C14orf132: variants seen among roughly 807,000 people sequenced by gnomAD.
C14orf132 encodes the protein uncharacterized protein C14orf132.
C14orf132 carries 6 observed loss-of-function variants against 5.8 expected under a neutral mutation model. The observed-to-expected ratio is 1.03, with a 90% CI of 0.57 to 2.04. The LOEUF is 2.04. C14orf132 is among the 30% of genes most tolerant of loss of function. The pLI, the probability that C14orf132 is intolerant of heterozygous loss-of-function variation, is 0.00. For synonymous variants in C14orf132, 51 were observed against 49.8 expected (o/e 1.02, Z -0.10); for missense variants, 125 against 115.8 (o/e 1.08, Z -0.37).
intron 1 of C14orf132, among the ~76,000 whole-genome samples, chr14:96,044,026 G>A (rs1014161722): frequency 2.6e-5 from 4 of 152,188 alleles, no homozygotes; most frequent in African/African-American, 4.8e-5. Flanking sequence ...GGCCAGGAGC[G>A]GAGCCACATC....
Position 96,090,463 on chromosome 14 carries a change from T to G in C14orf132, c.*3728T>G. On this transcript the variant is annotated 3_prime_UTR_variant, in exon 2 of 2. Coordinates refer to ENST00000555004, the MANE Select transcript of C14orf132 (RefSeq NM_001252507.3). ...TTGTGAGGTTGTGAGTGGCCACCAC[T>G]GAAGGTCTTTGAGAAGAGGCCAGAC... is the stretch of plus-strand genomic sequence containing the variant. 2.8e-6 allele frequency: 1 copy of G among 355,130 alleles called. No homozygotes were observed. Among genetic ancestry groups the G allele is most frequent in the South Asian group, 2.2e-5 (1 of 45,750 alleles). 22.0% of individuals were successfully genotyped at this position (355,130 alleles called of 1,614,324 possible). A position where few individuals can be genotyped will look rare whatever the true frequency, so the allele number is the denominator to read the frequency against.
rs1411249937 is a variant in C14orf132, at chr14:96,087,235, T to C, written c.*500T>C. ...TTGGCCATCTAGTAGGGCCATTGGA[T>C]GTTCCTAGTTTGACTTTGAAATGGC... On this transcript the variant is annotated 3_prime_UTR_variant, in exon 2 of 2. Transcript: ENST00000555004. The C allele has an allele frequency of 3.9e-5, 6 of 155,452 alleles. No homozygotes were observed. Among genetic ancestry groups the C allele is most frequent in the Admixed American group, 3.8e-4 (6 of 15,982 alleles). The allele number at this position is 155,452 out of a possible 1,614,324, so 9.6% of individuals were successfully genotyped here. A position where few individuals can be genotyped will look rare whatever the true frequency, so the allele number is the denominator to read the frequency against.
At chr14:96,071,841 G>T (rs372517044) in intron 1 of C14orf132, among the ~76,000 whole-genome samples, 1 of 152,248 alleles carries the variant, frequency 6.6e-6, no homozygotes, top group Non-Finnish European at 1.5e-5. Flanking sequence ...GGTGGACATC[G>T]CCTTGTGCCT....
intron 1 of C14orf132, among the ~76,000 whole-genome samples, chr14:96,077,767 G>C (rs1427583473): frequency 1.3e-5 from 2 of 152,226 alleles, no homozygotes; most frequent in African/African-American, 4.8e-5. Context: ...AAAATTCTCT[G>C]TCACCTTCTA....
intron 1 of C14orf132, among the ~76,000 whole-genome samples, chr14:96,070,737 G>A (rs144373670): frequency 0.013 from 1,909 of 152,154 alleles, 28 homozygotes; most frequent in Middle Eastern, 0.027. Flanking sequence ...TTAAAGGCAC[G>A]GATAGAAATT....
intron 1 of C14orf132, among the ~76,000 whole-genome samples, chr14:96,056,414 C>A (rs1887185774): frequency 6.6e-6 from 1 of 152,190 alleles, no homozygotes; most frequent in Non-Finnish European, 1.5e-5. Flanking sequence ...TGGTGAGGAA[C>A]CTCCTCCTTC....
At chr14:96,047,766 G>T (rs947998199) in intron 1 of C14orf132, among the ~76,000 whole-genome samples, 3 of 152,142 alleles carry the variant, frequency 2.0e-5, no homozygotes, top group Non-Finnish European at 4.4e-5. Flanking sequence ...CAGAAAAATC[G>T]AGAGGAGGGC....
At chr14:96,076,530 A>T (rs1887871834) in intron 1 of C14orf132, among the ~76,000 whole-genome samples, 1 of 151,994 alleles carries the variant, frequency 6.6e-6, no homozygotes, top group African/African-American at 2.4e-5. Context: ...GGTGTCCAAC[A>T]TTTTTGCTTC....
chr14:96,044,036 C>T (rs962521754), intron 1 of C14orf132, among the ~76,000 whole-genome samples: 1 of 152,198 alleles, frequency 6.6e-6, no homozygotes, highest in African/African-American at 2.4e-5. Context: ...GGAGCCACAT[C>T]CACTGATGCA....
intron 1 of C14orf132, among the ~76,000 whole-genome samples, chr14:96,062,823 T>C (rs1887402857): frequency 6.6e-6 from 1 of 152,152 alleles, no homozygotes; most frequent in South Asian, 2.1e-4. Flanking sequence ...TGCCCTTACA[T>C]ACTCTCAGGA....
In C14orf132 at chr14:96,063,605, A is replaced by G. The variant is rs571994638; in HGVS notation, c.28-22906A>G. Among the ~76,000 whole-genome samples, 3 of 152,264 alleles carry G rather than the reference A, an allele frequency of 2.0e-5. No homozygotes were observed. In the East Asian group the frequency reaches 5.8e-4, roughly 29 times the overall value. On this transcript the variant is annotated intron_variant, in intron 1 of 1. Coordinates refer to ENST00000555004, the MANE Select transcript of C14orf132 (RefSeq NM_001252507.3). ...ATTGCAGGGGTGAGCCACCACACCC[A>G]GCCATGTGGCATCCTTTTGAGGAAC...
chr14:96,063,408 A>C (rs1329298015), intron 1 of C14orf132, among the ~76,000 whole-genome samples: 2 of 152,084 alleles, frequency 1.3e-5, no homozygotes, highest in Admixed American at 1.3e-4. Flanking sequence ...TCCTGGTTTC[A>C]AGTGATTCTC....
rs1034036236 is a variant in C14orf132 at position 96,039,387 on chromosome 14, C to T, written c.-114C>T. On this transcript the variant is annotated 5_prime_UTR_variant, in exon 1 of 2. Transcript: ENST00000555004. The surrounding 1 kb of genome is among the most constrained non-coding windows in gnomAD (Gnocchi z 5.3). ...AGAAGCCCAGAGACAGCCGAGTGCG[C>T]CGTGCGGTCTCCGGACGCTCGCTGC... 6 of 1,081,662 alleles carry T rather than the reference C, an allele frequency of 5.5e-6. No individual in the cohort carries two copies. The African/African-American group carries it at 8.2e-5, about 15-fold the overall frequency. 67.0% of individuals were successfully genotyped at this position (1,081,662 alleles called of 1,614,324 possible).
intron 1 of C14orf132, among the ~76,000 whole-genome samples, chr14:96,081,937 A>G (rs1888043073): frequency 6.6e-6 from 1 of 151,890 alleles, no homozygotes; most frequent in South Asian, 2.1e-4. Flanking sequence ...TCTTTTTTTA[A>G]TCTTGATGTG....
intron 1 of C14orf132, among the ~76,000 whole-genome samples, chr14:96,070,886 G>A (rs1288487373): frequency 1.3e-5 from 2 of 152,042 alleles, no homozygotes; most frequent in Non-Finnish European, 2.9e-5. Flanking sequence ...TCTCTGAAAG[G>A]CAGCTAAACC....
At chr14:96,080,757 C>T (rs1009039975) in intron 1 of C14orf132, among the ~76,000 whole-genome samples, 2 of 152,140 alleles carry the variant, frequency 1.3e-5, no homozygotes, top group African/African-American at 2.4e-5. Context: ...CACAATGGCC[C>T]GGACCACCTG....
chr14:96,045,585 C>G (rs967231367), intron 1 of C14orf132, among the ~76,000 whole-genome samples: 1 of 152,112 alleles, frequency 6.6e-6, no homozygotes, highest in East Asian at 1.9e-4. Context: ...GAGCTCTAGC[C>G]CCTTGCTCAT....
At position 96,092,253 on chromosome 14, in the gene C14orf132, T is replaced by C. The variant is rs1888431290; in HGVS notation, c.*5518T>C. On this transcript the variant is annotated 3_prime_UTR_variant, in exon 2 of 2. Coordinates refer to ENST00000555004, the MANE Select transcript of C14orf132 (RefSeq NM_001252507.3). The stretch of plus-strand genomic sequence containing the variant: ...CCGGGGGATTCTGGATGCTGGTCTT[T>C]TGACCGTGGCGGCAGCCTCGCGCCT... 1 of 152,216 alleles carries C rather than the reference T, an allele frequency of 6.6e-6. No homozygotes were observed. Among genetic ancestry groups the C allele is most frequent in the Admixed American group, 6.5e-5 (1 of 15,286 alleles). 9.4% of individuals were successfully genotyped at this position (152,216 alleles called of 1,614,324 possible).
rs45457698 is a variant in C14orf132, at chr14:96,087,096, C to T, written c.*361C>T. 2.4e-5 allele frequency: 7 copies of T among 294,334 alleles called. No individual in the cohort carries two copies. Among genetic ancestry groups the T allele is most frequent in the Non-Finnish European group, 4.5e-5 (7 of 155,586 alleles). The allele number at this position is 294,334 out of a possible 1,614,324, so 18.2% of individuals were successfully genotyped here. On this transcript the variant is annotated 3_prime_UTR_variant, in exon 2 of 2. Coordinates refer to ENST00000555004, the MANE Select transcript of C14orf132 (RefSeq NM_001252507.3). ...CGCTTGCTGGTGGTAAATAATCACT[C>T]GTGTGTCTTGTTTTTATGCAAACTT...
Sources: allele counts gnomAD v4.1 joint callset (sites outside exome capture counted in the v4.1 genomes callset), GRCh38; gene constraint gnomAD v4.1.1; non-coding constraint Gnocchi (gnomAD v3.1); transcripts MANE v1.5; gene names NCBI Gene and HGNC (gene_info 2026-07-23, HGNC 2026-07-21).